The following DLG5 variants were observed in gnomAD, a reference collection of about 807,000 sequenced individuals.
The protein encoded by DLG5 is discs large MAGUK scaffold protein 5.
DLG5 carries 48 observed loss-of-function variants against 189.8 expected under a neutral mutation model. The ratio of observed to expected loss-of-function variants is 0.25; its 90% CI spans 0.20 to 0.32. The LOEUF (loss-of-function observed/expected upper bound fraction) is 0.32, where lower values mean the gene tolerates loss of function less well. Ranked by LOEUF, DLG5 falls within the 10% of genes least tolerant of loss-of-function variation. The probability of loss-of-function intolerance (pLI) is 1.00; values close to 1 mark genes in which losing one functional copy is unlikely to be tolerated. For synonymous variants in DLG5, 1,016 were observed against 1,054.1 expected (o/e 0.96, Z 0.70); for missense variants, 2,160 against 2,544.7 (o/e 0.85, Z 3.25).
Position 77,812,391 on chromosome 10 carries a change from A to C in DLG5, c.4026-14T>G. The C allele has an allele frequency of 6.2e-7, 1 of 1,600,552 alleles. No individual in the cohort carries two copies. Among genetic ancestry groups the C allele is most frequent in the African/African-American group, 1.3e-5 (1 of 74,836 alleles). On this transcript the variant is annotated splice_polypyrimidine_tract_variant and intron_variant, in intron 20 of 31. Transcript: ENST00000372391. ...TCCACATAAGGCCTAAGGAAAAGTC[A>C]AAAGTTTCGGGGACTCAGGGTCAAA...
upstream of DLG5, chr10:77,929,758 C>T (rs1428873391): frequency 1.3e-5 from 2 of 152,198 alleles, no homozygotes; most frequent in Admixed American, 6.5e-5. Context: ...AAGAAACCAA[C>T]CCTCCAACAC....
intron 18 of DLG5, 31 bp downstream of exon 18, chr10:77,817,746 C>G (rs1368466185): frequency 6.5e-7 from 1 of 1,538,960 alleles, no homozygotes; most frequent in Non-Finnish European, 8.8e-7. Flanking sequence ...TTGGCACCCT[C>G]TGCAGCACAA....
intron 20 of DLG5, 103 bp from the exon 21 acceptor site, chr10:77,812,480 C>G: frequency 1.5e-6 from 2 of 1,363,796 alleles, no homozygotes; most frequent in Non-Finnish European, 2.0e-6. Context: ...GCAGAAAGGG[C>G]CCCGAGCCTG....
At chr10:77,818,663 C>A (rs1842182795) in intron 17 of DLG5, among the ~76,000 whole-genome samples, 1 of 152,196 alleles carries the variant, frequency 6.6e-6, no homozygotes, top group Non-Finnish European at 1.5e-5. Flanking sequence ...TCCCCTCTGC[C>A]ACAGGGCCCT....
intron 8 of DLG5, 86 bp from the exon 9 acceptor site, chr10:77,834,125 ACTC>A: frequency 1.3e-6 from 2 of 1,503,434 alleles, no homozygotes; most frequent in Non-Finnish European, 1.8e-6. Flanking sequence ...TGGCCACCTC[ACTC>A]CAAATACCTG....
At chr10:77,805,150 A>G (rs1841405729) in intron 27 of DLG5, among the ~76,000 whole-genome samples, 1 of 151,970 alleles carries the variant, frequency 6.6e-6, no homozygotes, top group Non-Finnish European at 1.5e-5. Context: ...TTGTATTTTT[A>G]ATAGAGACAG....
chr10:77,917,534 A>G (rs532528910), intron 1 of DLG5, among the ~76,000 whole-genome samples: 4 of 152,144 alleles, frequency 2.6e-5, no homozygotes, highest in East Asian at 1.9e-4. Flanking sequence ...AAAAAAAAAA[A>G]AAGAAGAAAG....
chr10:77,867,070 C>A lies in DLG5; in HGVS notation c.373+2059G>T, dbSNP rs111755702. The A allele has an allele frequency of 9.6e-4, 438 of 456,966 alleles. 3 individuals carry two copies. Among genetic ancestry groups the A allele is most frequent in the African/African-American group, 4.2e-3 (212 of 50,194 alleles). 28.3% of individuals were successfully genotyped at this position (456,966 alleles called of 1,614,324 possible). On this transcript the variant is annotated intron_variant, in intron 2 of 31. Coordinates refer to ENST00000372391, the MANE Select transcript of DLG5 (RefSeq NM_004747.4). ...GATGCCCAGGAAGAGCACAGAGATA[C>A]TGTTGACGGCTCCATCGCAAGGACT...
chr10:77,886,758 A>T (rs1031050775), intron 1 of DLG5, among the ~76,000 whole-genome samples: 2 of 152,196 alleles, frequency 1.3e-5, no homozygotes, highest in African/African-American at 4.8e-5. Flanking sequence ...TTGGAAGATA[A>T]GGTCTTTAAA....
chr10:77,870,013 C>A (rs967795377), intron 1 of DLG5, among the ~76,000 whole-genome samples: 5 of 151,994 alleles, frequency 3.3e-5, no homozygotes, highest in African/African-American at 9.7e-5. Flanking sequence ...ACCCCATCCC[C>A]CATCCCCCAT....
intron 1 of DLG5, among the ~76,000 whole-genome samples, chr10:77,916,685 C>CAA (rs971999207): frequency 6.3e-4 from 95 of 151,970 alleles, no homozygotes; most frequent in Admixed American, 2.0e-3. Context: ...AATTAAAACT[C>CAA]AGAGTAAACA....
intron 1 of DLG5, among the ~76,000 whole-genome samples, chr10:77,891,993 C>A (rs1845623944): frequency 6.6e-6 from 1 of 152,248 alleles, no homozygotes; most frequent in South Asian, 2.1e-4. Flanking sequence ...CTCAGAGACA[C>A]AGGCCCCCAG....
chr10:77,821,559 G>A lies in DLG5; in HGVS notation c.2925C>T (p.Asp975=). The change falls in exon 15 of 32, where the codon GAC becomes GAT. Residue 975 remains aspartate (D), a synonymous_variant. Coordinates refer to ENST00000372391, the MANE Select transcript of DLG5 (RefSeq NM_004747.4). The stretch of plus-strand genomic sequence containing the variant: ...TCTGGGGGCGTTTGAAAGTGTTAGG[G>A]TCAAAGATGGACTTTCTTTGCTTTG... ...KKPKQRKSIF[D]PNTFKRPQTP... 1 of 1,612,920 alleles carries A rather than the reference G, an allele frequency of 6.2e-7. No individual in the cohort carries two copies. The highest frequency in any genetic ancestry group is 8.5e-7 in the Non-Finnish European group (1 of 1,180,032).
At chr10:77,838,826 T>C (rs1248667) in intron 7 of DLG5, among the ~76,000 whole-genome samples, 108,997 of 152,178 alleles carry the variant, frequency 0.72, 39,502 homozygotes, top group African/African-American at 0.82. Flanking sequence ...CCCCTCCTGG[T>C]CTGCTCTTGC....
intron 5 of DLG5, among the ~76,000 whole-genome samples, chr10:77,850,302 G>T (rs1334928879): frequency 6.6e-6 from 1 of 152,190 alleles, no homozygotes; most frequent in Non-Finnish European, 1.5e-5. Context: ...ATCATAGTTT[G>T]TGGTCTTTTT....
intron 29 of DLG5, 52 bp from the exon 30 acceptor site, chr10:77,795,010 C>T (rs532449862): frequency 2.0e-6 from 3 of 1,488,850 alleles, no homozygotes; most frequent in African/African-American, 2.8e-5. Context: ...GGGCAGCCAG[C>T]CCCCTGTCCT....
chr10:77,860,448 C>T (rs1219524943), intron 2 of DLG5, among the ~76,000 whole-genome samples: 2 of 152,200 alleles, frequency 1.3e-5, no homozygotes, highest in African/African-American at 4.8e-5. Context: ...CAGGCATGCG[C>T]CACCATGCCC....
rs1589265085 is a variant in DLG5 at position 77,899,040 on chromosome 10, G to A, written c.304+27177C>T. 2.6e-5 allele frequency among the ~76,000 whole-genome samples: 4 copies of A among 152,180 alleles called. No homozygotes were observed. The East Asian group carries it at 7.7e-4, about 29-fold the overall frequency. ...ACAACTCATGGCCCAATCTGAAGAT[G>A]GCTTTCCTCTGAATTCTCCCACATC... On this transcript the variant is annotated intron_variant, in intron 1 of 31. Transcript: ENST00000372391.
chr10:77,835,913 T>A lies in DLG5; in HGVS notation c.1447A>T (p.Thr483Ser), dbSNP rs1843107614. ...GCTCTCCCAGCATCCATTGTCACCG[T>A]GTCTTTGATCTGGTGGGAGCAAGGG... ...EMEALRQIKD[T>S]VTMDAGRANK... The change falls in exon 8 of 32, where the codon ACG becomes TCG. Residue 483 changes from threonine (T) to serine (S), a missense_variant. By Grantham distance (58) the Thr-to-Ser change is moderately conservative. Around this residue, in one of 5 missense-constraint regions of DLG5, gnomAD observed 664 missense variants for 838.5 expected, o/e 0.79. Transcript: ENST00000372391. 1 of 1,612,884 alleles carries A rather than the reference T, an allele frequency of 6.2e-7. No individual in the cohort carries two copies. Among genetic ancestry groups the A allele is most frequent in the Non-Finnish European group, 8.5e-7 (1 of 1,179,070 alleles).
Sources: gnomAD v4.1 joint callset for allele counts (sites outside exome capture counted in the v4.1 genomes callset) on GRCh38, gnomAD v4.1.1 for gene constraint, gnomAD v4.1.1 regional missense constraint, MANE v1.5 for transcripts, NCBI Gene and HGNC (gene_info 2026-07-23, HGNC 2026-07-21) for gene names.